PRR35: variants seen among roughly 807,000 people sequenced by gnomAD.
PRR35 encodes proline-rich protein 35.
In PRR35, 14 loss-of-function variants were observed where a neutral mutation model predicts 18.6. The observed-to-expected ratio is 0.75, with a 90% confidence interval of 0.50 to 1.18. The LOEUF (loss-of-function observed/expected upper bound fraction) is 1.18. Ranked by LOEUF, PRR35 falls within the 50% of genes most tolerant of loss-of-function variation. The pLI, the probability that PRR35 is intolerant of heterozygous loss-of-function variation, is 0.00. For missense variants in PRR35, 832 were observed against 792.2 expected, an observed-to-expected ratio of 1.05 and a Z score of -0.60; for synonymous variants, 425 against 378.2, an observed-to-expected ratio of 1.12 and a Z score of -1.43.
chr16:564,465 G>A, intron 2 of PRR35, 89 bp downstream of exon 2: 1 of 1,509,886 alleles, frequency 6.6e-7, no homozygotes, highest in Non-Finnish European at 8.9e-7. Flanking sequence ...TGGCGGCTGG[G>A]GTCCGTCCTG....
upstream of PRR35, chr16:560,317 C>G (rs2035411712): frequency 1.0e-6 from 1 of 980,020 alleles, no homozygotes; most frequent in Non-Finnish European, 1.2e-6. Context: ...CCTTCCCTCC[C>G]GCCGCGAGCG....
At chr16:561,145 C>G (rs1336925335) in intron 1 of PRR35, among the ~76,000 whole-genome samples, 18 of 152,222 alleles carry the variant, frequency 1.2e-4, no homozygotes, top group Non-Finnish European at 2.6e-4. Flanking sequence ...CCGGCTGGGA[C>G]GCGCGTGTGA....
chr16:565,066 T>C lies in PRR35; in HGVS notation c.1475T>C (p.Val492Ala), dbSNP rs2035512637. The part of the protein sequence containing the change: ...EAWGRPELGP[V>A]LTGGTPEPPG... ...TGGGGGCGGCCCGAGCTGGGTCCCGTGTTGACCGGGGGCACCCCCGAGCCA... is the reference window on the plus strand; with the variant it reads ...TGGGGGCGGCCCGAGCTGGGTCCCGCGTTGACCGGGGGCACCCCCGAGCCA... Residue 492 changes from valine to alanine, a missense_variant, in exon 3 of 3, where the codon GTG becomes GCG. Val to Ala is a moderately conservative substitution (Grantham distance 64). Around this residue, in one of 3 missense-constraint regions of PRR35, gnomAD observed 768 missense variants for 704.1 expected, o/e 1.09. Transcript: ENST00000409413. 4 of 1,594,194 alleles carry C rather than the reference T, an allele frequency of 2.5e-6. No individual in the cohort carries two copies. Among genetic ancestry groups the C allele is most frequent in the Non-Finnish European group, 3.4e-6 (4 of 1,170,436 alleles).
intron 1 of PRR35, among the ~76,000 whole-genome samples, chr16:561,456 C>T (rs936939590): frequency 4.6e-5 from 7 of 151,656 alleles, no homozygotes; most frequent in African/African-American, 9.7e-5. Flanking sequence ...GTGGGGGGGG[C>T]GGCGGGCAGG....
chr16:563,875 C>T lies in PRR35; in HGVS notation c.581C>T (p.Ala194Val), dbSNP rs751729638. ...AGCGTCCCCTGCTATCCCCCGCCTG[C>T]CCCAGGGGAGTTCCCTGAGGCCCAC... is the stretch of plus-strand genomic sequence containing the variant. ...EGSVPCYPPP[A>V]PGEFPEAHSL... Residue 194 changes from alanine (A) to valine (V), a missense_variant, in exon 2 of 3, where the codon GCC becomes GTC. Physicochemically the swap from Ala to Val is moderately conservative, Grantham distance 64. This residue lies in a region of PRR35 where 768 missense variants were observed against 704.1 expected (regional missense o/e 1.09). Transcript: ENST00000409413. 5 of 1,571,602 alleles carry T rather than the reference C, an allele frequency of 3.2e-6. No individual in the cohort carries two copies. In the African/African-American group the frequency reaches 4.1e-5, roughly 13 times the overall value.
chr16:562,541 A>G lies in PRR35; in HGVS notation c.-39-715A>G, dbSNP rs529685442. Among the ~76,000 whole-genome samples, 61 of 150,446 alleles carry G rather than the reference A, an allele frequency of 4.1e-4. 1 individual carries two copies. Among genetic ancestry groups the G allele is most frequent in the African/African-American group, 1.5e-3 (59 of 40,274 alleles). ...CACAGGCGCACACACGTGTGCACAC[A>G]CACGCACATGCACGCACACACACGT... is the stretch of plus-strand genomic sequence containing the variant. On this transcript the variant is annotated intron_variant, in intron 1 of 2. Coordinates refer to ENST00000409413, the MANE Select transcript of PRR35 (RefSeq NM_145270.3).
chr16:563,705 C>T lies in PRR35; in HGVS notation c.411C>T (p.Ser137=), dbSNP rs971561018. 4 of 1,550,166 alleles carry T rather than the reference C, an allele frequency of 2.6e-6. No homozygotes were observed. The highest frequency in any genetic ancestry group is 2.6e-6 in the Non-Finnish European group (3 of 1,152,764). The stretch of plus-strand genomic sequence containing the variant: ...GCCCCAAGTCCAGGGCCAAGGGGTC[C>T]CCAGGGCCACCACCCCCTGTGGCTA... ...GGGPKSRAKG[S]PGPPPPVARA... Residue 137 remains serine, a synonymous_variant, in exon 2 of 3, where the codon TCC becomes TCT. Coordinates refer to ENST00000409413, the MANE Select transcript of PRR35 (RefSeq NM_145270.3).
intron 2 of PRR35, 136 bp from the exon 3 acceptor site, chr16:564,538 G>A (rs2035498896): frequency 1.4e-5 from 19 of 1,398,364 alleles, no homozygotes; most frequent in Admixed American, 4.9e-5. Flanking sequence ...GAGAGCCAGC[G>A]CGGGGGTCCT....
Position 560,666 on chromosome 16 carries a change from G to T in PRR35, c.-40+5G>T. The T allele has an allele frequency of 1.0e-6, 1 of 983,430 alleles. No individual in the cohort carries two copies. Among genetic ancestry groups the T allele is most frequent in the South Asian group, 4.6e-5 (1 of 21,698 alleles). The allele number at this position is 983,430 out of a possible 1,614,324, so 60.9% of individuals were successfully genotyped here. A position where few individuals can be genotyped will look rare whatever the true frequency, so the allele number is the denominator to read the frequency against. On this transcript the variant is annotated splice_donor_5th_base_variant and intron_variant, in intron 1 of 2. Transcript: ENST00000409413. ...TCCGCTCCCGGCCGGGCGCAGGTAG[G>T]AGCGGCGGGAGCCGCGGGGGCGGCC...
In PRR35 at chr16:564,011, C is replaced by A. The variant is rs1273174992; in HGVS notation, c.717C>A (p.Ala239=). ...AAAHVPFLAS[A]SPLLPPATAF... ...CCCATGTGCCCTTCCTGGCCTCGGC[C>A]AGCCCCCTGCTGCCCCCGGCCACGG... The change falls in exon 2 of 3, where the codon GCC becomes GCA. Residue 239 remains alanine, a synonymous_variant. Coordinates refer to ENST00000409413, the MANE Select transcript of PRR35 (RefSeq NM_145270.3). The A allele has an allele frequency of 6.3e-7, 1 of 1,595,868 alleles. No homozygotes were observed. Among genetic ancestry groups the A allele is most frequent in the Admixed American group, 1.7e-5 (1 of 58,760 alleles).
intron 1 of PRR35, chr16:561,597 G>T: frequency 2.8e-6 from 1 of 361,074 alleles, no homozygotes; most frequent in Non-Finnish European, 3.9e-6. Context: ...AGACCAGCTG[G>T]TCAGCCTCTG....
chr16:560,438 C>T lies in PRR35; in HGVS notation c.-263C>T, dbSNP rs1567167784. 2.0e-6 allele frequency: 2 copies of T among 982,894 alleles called. No individual in the cohort carries two copies. The highest frequency in any genetic ancestry group is 2.4e-6 in the Non-Finnish European group (2 of 829,020). 60.9% of individuals were successfully genotyped at this position (982,894 alleles called of 1,614,324 possible). A position where few individuals can be genotyped will look rare whatever the true frequency, so the allele number is the denominator to read the frequency against. ...GGCGTCGGGGGGACGCGGGCGGCGG[C>T]GGAGGCTGCGGGAGTCGCTGCCGCT... On this transcript the variant is annotated 5_prime_UTR_variant, in exon 1 of 3. Transcript: ENST00000409413.
At chr16:559,880 C>T (rs112309580), upstream of PRR35, 67 of 498,652 alleles carry the variant, frequency 1.3e-4, 1 homozygote, top group African/African-American at 1.3e-3. Context: ...GGAAGGGAGC[C>T]CGGCTCCGCT....
At chr16:561,338 T>G (rs1240613394) in intron 1 of PRR35, among the ~76,000 whole-genome samples, 1 of 152,166 alleles carries the variant, frequency 6.6e-6, no homozygotes, top group African/African-American at 2.4e-5. Context: ...CGGGATGGGT[T>G]GTGGCATCGG....
chr16:563,399 C>G lies in PRR35; in HGVS notation c.105C>G (p.Tyr35Ter). 6.2e-7 allele frequency: 1 copy of G among 1,612,460 alleles called. No individual in the cohort carries two copies. Among genetic ancestry groups the G allele is most frequent in the Non-Finnish European group, 8.5e-7 (1 of 1,179,678 alleles). Residue 35 changes from tyrosine to a stop codon, truncating the protein, a stop_gained, in exon 2 of 3, where the codon TAC becomes TAG. Transcript: ENST00000409413. LOFTEE classifies it high-confidence loss of function. ...TCCCGCGGCCCTGGGGCAAACCCTACAACTACAAATGCTTCCAGTGCCCCT... is the reference window on the plus strand; with the variant it reads ...TCCCGCGGCCCTGGGGCAAACCCTAGAACTACAAATGCTTCCAGTGCCCCT... Reference protein sequence around the residue: ...HYIPRPWGKPYNYKCFQCPFT... With the variant: ...HYIPRPWGKP
Position 565,392 on chromosome 16 carries a change from C to A in PRR35, c.*85C>A. 7.5e-7 allele frequency: 1 copy of A among 1,340,178 alleles called. No individual in the cohort carries two copies. The highest frequency in any genetic ancestry group is 1.6e-5 in the South Asian group (1 of 61,466). The allele number at this position is 1,340,178 out of a possible 1,614,324, so 83.0% of individuals were successfully genotyped here. A position where few individuals can be genotyped will look rare whatever the true frequency, so the allele number is the denominator to read the frequency against. Reference sequence around the variant, plus strand: ...CCCCTGCCCCTCACCTGCCTGGGACCTGCCCCGCCTCCGCATGCATGTGGA... The same window carrying A: ...CCCCTGCCCCTCACCTGCCTGGGACATGCCCCGCCTCCGCATGCATGTGGA... On this transcript the variant is annotated 3_prime_UTR_variant, in exon 3 of 3. Coordinates refer to ENST00000409413, the MANE Select transcript of PRR35 (RefSeq NM_145270.3).
chr16:560,747 G>C (rs1005098123), intron 1 of PRR35, 86 bp downstream of exon 1: 1 of 939,354 alleles, frequency 1.1e-6, no homozygotes, highest in Non-Finnish European at 1.3e-6. Flanking sequence ...GGGTGGCCAG[G>C]CGTGTGGGGG....
chr16:563,387 G>A lies in PRR35; in HGVS notation c.93G>A (p.Trp31Ter). ...PKKPHYIPRP[W>*]GKPYNYKCFQ... Reference sequence around the variant, plus strand: ...AGCCACACTACATCCCGCGGCCCTGGGGCAAACCCTACAACTACAAATGCT... The same window carrying A: ...AGCCACACTACATCCCGCGGCCCTGAGGCAAACCCTACAACTACAAATGCT... The change falls in exon 2 of 3, where the codon TGG (tryptophan) becomes TGA (stop). Residue 31 changes from tryptophan to a stop codon, truncating the protein, a stop_gained. Coordinates refer to ENST00000409413, the MANE Select transcript of PRR35 (RefSeq NM_145270.3). LOFTEE classifies it high-confidence loss of function. 1.2e-6 allele frequency: 2 copies of A among 1,612,400 alleles called. No individual in the cohort carries two copies. Among genetic ancestry groups the A allele is most frequent in the Non-Finnish European group, 1.7e-6 (2 of 1,179,688 alleles).
chr16:560,272 G>A (rs1596372624), upstream of PRR35: 1 of 852,736 alleles, frequency 1.2e-6, no homozygotes, highest in South Asian at 5.3e-5. Context: ...GGGCGCGCGG[G>A]CGGCGGGGGC....
Sources: gnomAD v4.1 joint callset for allele counts (sites outside exome capture counted in the v4.1 genomes callset) on GRCh38, gnomAD v4.1.1 for gene constraint, gnomAD v4.1.1 regional missense constraint, MANE v1.5 for transcripts, NCBI Gene and HGNC (gene_info 2026-07-23, HGNC 2026-07-21) for gene names.